TBPL1: variants seen among roughly 807,000 people sequenced by gnomAD.
TBPL1 encodes the protein TATA-box binding protein like 1, also known as TATA box-binding protein-like 1.
In TBPL1, 4 loss-of-function variants were observed where a neutral mutation model predicts 22.1. That is an observed-to-expected ratio of 0.18 (90% CI 0.09 to 0.41). The LOEUF is 0.41. Among genes scored for constraint, TBPL1 ranks in the 10% least tolerant of loss-of-function variants. The probability of loss-of-function intolerance (pLI) is 1.00; values close to 1 mark genes in which losing one functional copy is unlikely to be tolerated. For synonymous variants in TBPL1, 64 were observed against 71.0 expected (o/e 0.90, Z 0.50); for missense variants, 115 against 222.3 (o/e 0.52, Z 3.07).
rs776809704 is a variant in TBPL1, at chr6:133,987,090, C to T, written c.*50C>T. Reference sequence around the variant, plus strand: ...TCTAACTGAGCACCTTTTAAACCTGCTGCACATTGGACTCAAAAGGAAAAC... The same window carrying T: ...TCTAACTGAGCACCTTTTAAACCTGTTGCACATTGGACTCAAAAGGAAAAC... On this transcript the variant is annotated 3_prime_UTR_variant, in exon 7 of 7. Coordinates refer to ENST00000237264, the MANE Select transcript of TBPL1 (RefSeq NM_004865.4). The T allele has an allele frequency of 3.0e-6, 4 of 1,355,574 alleles. No homozygotes were observed. In the African/African-American group the frequency reaches 5.8e-5, roughly 20 times the overall value. The allele number at this position is 1,355,574 out of a possible 1,614,324, so 84.0% of individuals were successfully genotyped here. A position where few individuals can be genotyped will look rare whatever the true frequency, so the allele number is the denominator to read the frequency against.
rs1207918581 is a variant in TBPL1 at position 133,990,087 on chromosome 6, C to G, written c.*3047C>G. 6.6e-6 allele frequency: 1 copy of G among 152,586 alleles called. No homozygotes were observed. Among genetic ancestry groups the G allele is most frequent in the Non-Finnish European group, 1.5e-5 (1 of 68,024 alleles). The allele number at this position is 152,586 out of a possible 1,614,324, so 9.5% of individuals were successfully genotyped here. On this transcript the variant is annotated 3_prime_UTR_variant, in exon 7 of 7. Transcript: ENST00000237264. ...CAGTTCATCGTTGTGTGGGTGAAAC[C>G]CACGTTGCTGGTACAGGTGGCCATC...
Position 133,987,555 on chromosome 6 carries a change from CTTTT to C in TBPL1, c.*520_*523del, listed in dbSNP as rs937358725. On this transcript the variant is annotated 3_prime_UTR_variant, in exon 7 of 7. Transcript: ENST00000237264. Reference sequence around the variant, plus strand: ...TTTAACAAAAATTGTATTCATACTTCTTTTTTTTAAAATCTATGCAAGCTTAAGA... The same window carrying C: ...TTTAACAAAAATTGTATTCATACTTCTTTTAAAATCTATGCAAGCTTAAGA... 6.6e-6 allele frequency: 1 copy of C among 150,802 alleles called. No individual in the cohort carries two copies. Among genetic ancestry groups the C allele is most frequent in the Non-Finnish European group, 1.5e-5 (1 of 67,634 alleles). The allele number at this position is 150,802 out of a possible 1,614,324, so 9.3% of individuals were successfully genotyped here. A position where few individuals can be genotyped will look rare whatever the true frequency, so the allele number is the denominator to read the frequency against.
intron 1 of TBPL1, among the ~76,000 whole-genome samples, chr6:133,965,248 G>A (rs915356934): frequency 6.6e-6 from 1 of 152,166 alleles, no homozygotes; most frequent in Non-Finnish European, 1.5e-5. Flanking sequence ...TCTCAGTAAA[G>A]AGATGAAACT....
At chr6:133,982,399 C>T (rs1258063276) in intron 2 of TBPL1, among the ~76,000 whole-genome samples, 169 bp from the exon 3 acceptor site, 2 of 152,030 alleles carry the variant, frequency 1.3e-5, no homozygotes, top group African/African-American at 2.4e-5. Flanking sequence ...TTAATATGTT[C>T]TTTGTGTTTG....
chr6:133,953,553 G>A (rs1288310968), intron 1 of TBPL1, 128 bp downstream of exon 1: 2 of 152,522 alleles, frequency 1.3e-5, no homozygotes, highest in East Asian at 1.9e-4. Context: ...TGGGATGTGT[G>A]GGGGCGGGCG....
Position 133,982,523 on chromosome 6 carries a change from T to A in TBPL1, c.136-45T>A, listed in dbSNP as rs531939358. 4 of 1,553,938 alleles carry A rather than the reference T, an allele frequency of 2.6e-6. No individual in the cohort carries two copies. The African/African-American group carries it at 5.5e-5, about 21-fold the overall frequency. ...TGACTATATAGAACAGAACCTTATG[T>A]GAAAAATAATGCTTATGAGGTAATC... On this transcript the variant is annotated intron_variant, in intron 2 of 6. Coordinates refer to ENST00000237264, the MANE Select transcript of TBPL1 (RefSeq NM_004865.4).
chr6:133,961,061 T>C (rs1010271945), intron 1 of TBPL1, among the ~76,000 whole-genome samples: 2 of 152,182 alleles, frequency 1.3e-5, no homozygotes, highest in African/African-American at 2.4e-5. Context: ...TAGTATAATA[T>C]ACCAGAAAGT....
chr6:133,980,962 A>AT (rs10713725), intron 2 of TBPL1, among the ~76,000 whole-genome samples: 7,762 of 96,894 alleles, frequency 0.08, 659 homozygotes, highest in African/African-American at 0.2. Context: ...TAATTAATTA[A>AT]TTTTTTTTTT....
intron 1 of TBPL1, among the ~76,000 whole-genome samples, chr6:133,966,555 C>T (rs1390926060): frequency 6.6e-6 from 1 of 152,198 alleles, no homozygotes; most frequent in Non-Finnish European, 1.5e-5. Context: ...TGATTAACTG[C>T]TCCGTATCTC....
chr6:133,957,204 T>C (rs530828624), intron 1 of TBPL1, among the ~76,000 whole-genome samples: 26 of 152,130 alleles, frequency 1.7e-4, no homozygotes, highest in Non-Finnish European at 3.7e-4. Flanking sequence ...TCTGGGGTAG[T>C]GGAGATGTGC....
At chr6:133,958,504 A>G (rs1282144842) in intron 1 of TBPL1, among the ~76,000 whole-genome samples, 1 of 152,220 alleles carries the variant, frequency 6.6e-6, no homozygotes, top group Non-Finnish European at 1.5e-5. Context: ...TGGTAAAGCT[A>G]AAAACAAATA....
intron 2 of TBPL1, 132 bp from the exon 3 acceptor site, chr6:133,982,436 G>C (rs1436874859): frequency 4.0e-5 from 26 of 649,704 alleles, no homozygotes; most frequent in Admixed American, 6.9e-5. Flanking sequence ...CAGAATGGTA[G>C]ATTTGGAGAG....
At chr6:133,953,616 G>T (rs1452189982) in intron 1 of TBPL1, among the ~76,000 whole-genome samples, 191 bp downstream of exon 1, 1 of 152,110 alleles carries the variant, frequency 6.6e-6, no homozygotes, top group African/African-American at 2.4e-5. Context: ...CCGAGGGAGG[G>T]CTCAGTTCTG....
At chr6:133,963,371 T>G (rs1776056609) in intron 1 of TBPL1, among the ~76,000 whole-genome samples, 1 of 152,184 alleles carries the variant, frequency 6.6e-6, no homozygotes, top group East Asian at 1.9e-4. Context: ...AATCTGTATT[T>G]GTGGGATTTG....
In TBPL1 at chr6:133,989,629, C is replaced by T. The variant is rs1230987224; in HGVS notation, c.*2589C>T. The T allele has an allele frequency of 6.6e-6, 1 of 152,156 alleles. No homozygotes were observed. The highest frequency in any genetic ancestry group is 1.5e-5 in the Non-Finnish European group (1 of 68,020). 9.4% of individuals were successfully genotyped at this position (152,156 alleles called of 1,614,324 possible). ...CAATCTCCTTTCCTTTTAGCTTCCC[C>T]CTGCCAATTTTTATACAGATAATAC... On this transcript the variant is annotated 3_prime_UTR_variant, in exon 7 of 7. Transcript: ENST00000237264.
At chr6:133,960,210 T>C (rs550567898) in intron 1 of TBPL1, among the ~76,000 whole-genome samples, 4 of 152,322 alleles carry the variant, frequency 2.6e-5, no homozygotes, top group Non-Finnish European at 4.4e-5. Context: ...GACAACCATA[T>C]TGAAGGCACA....
chr6:133,989,267 AGAAGCTT>A lies in TBPL1; in HGVS notation c.*2230_*2236del, dbSNP rs1776585287. 6.6e-6 allele frequency: 1 copy of A among 152,164 alleles called. No homozygotes were observed. Among genetic ancestry groups the A allele is most frequent in the African/African-American group, 2.4e-5 (1 of 41,454 alleles). The allele number at this position is 152,164 out of a possible 1,614,324, so 9.4% of individuals were successfully genotyped here. A position where few individuals can be genotyped will look rare whatever the true frequency, so the allele number is the denominator to read the frequency against. On this transcript the variant is annotated 3_prime_UTR_variant, in exon 7 of 7. Transcript: ENST00000237264. Reference sequence around the variant, plus strand: ...TCCCCCTTTTTATTTTTGAAAATCAAGAAGCTTGATTTGGTGTGGTGCAATGGATATT... The same window carrying A: ...TCCCCCTTTTTATTTTTGAAAATCAAGATTTGGTGTGGTGCAATGGATATT...
chr6:133,985,296 AAATATATATATATAT>A (rs1776493040), intron 6 of TBPL1, among the ~76,000 whole-genome samples: 2 of 69,020 alleles, frequency 2.9e-5, no homozygotes, highest in African/African-American at 1.3e-4. Flanking sequence ...AAAAAAAAAA[AAATATATATATATAT>A]ATATATATAT....
At chr6:133,976,640 C>T (rs527677792) in intron 1 of TBPL1, among the ~76,000 whole-genome samples, 1 of 152,194 alleles carries the variant, frequency 6.6e-6, no homozygotes, top group African/African-American at 2.4e-5. Context: ...TAAATTATGT[C>T]ACTACACTTA....
Sources: gnomAD v4.1 joint callset for allele counts (sites outside exome capture counted in the v4.1 genomes callset) on GRCh38, gnomAD v4.1.1 for gene constraint, MANE v1.5 for transcripts, NCBI Gene and HGNC (gene_info 2026-07-23, HGNC 2026-07-21) for gene names.